RBFOX3: variants seen among roughly 807,000 people sequenced by gnomAD.
RBFOX3 encodes RNA binding fox-1 homolog 3.
In RBFOX3, 17 loss-of-function variants were observed where a neutral mutation model predicts 48.7. The ratio of observed to expected loss-of-function variants is 0.35; its 90% CI spans 0.24 to 0.52. The LOEUF is 0.52. Among genes scored for constraint, RBFOX3 ranks in the 20% least tolerant of loss-of-function variants. The probability of loss-of-function intolerance (pLI) is 0.94; values close to 1 mark genes in which losing one functional copy is unlikely to be tolerated. For synonymous variants in RBFOX3, 212 were observed against 209.5 expected, an observed-to-expected ratio of 1.01 and a Z score of -0.10; for missense variants, 382 against 497.5, an observed-to-expected ratio of 0.77 and a Z score of 2.21.
chr17:79,491,450 A>G (rs1191701556), intron 1 of RBFOX3, among the ~76,000 whole-genome samples: 2 of 151,882 alleles, frequency 1.3e-5, no homozygotes, highest in East Asian at 3.9e-4. Flanking sequence ...TAGAGGGGAA[A>G]AACCAAGGCA....
At chr17:79,331,679 C>T (rs748892782) in intron 2 of RBFOX3, among the ~76,000 whole-genome samples, 5 of 152,314 alleles carry the variant, frequency 3.3e-5, no homozygotes, top group Admixed American at 2.0e-4. Context: ...GCACCTGCCC[C>T]GGGGCTGGGC....
intron 2 of RBFOX3, among the ~76,000 whole-genome samples, chr17:79,431,535 A>G (rs1266750626): frequency 1.6e-5 from 2 of 126,124 alleles, no homozygotes; most frequent in African/African-American, 6.0e-5. Flanking sequence ...ATCAAGCTGG[A>G]GAGCAGTGGC....
At chr17:79,344,640 C>T (rs2082610701) in intron 2 of RBFOX3, among the ~76,000 whole-genome samples, 1 of 152,020 alleles carries the variant, frequency 6.6e-6, no homozygotes, top group Non-Finnish European at 1.5e-5. Flanking sequence ...CTGCAACTTC[C>T]ACCTCCCAAG....
At chr17:79,302,238 G>A (rs1376513232) in intron 3 of RBFOX3, among the ~76,000 whole-genome samples, 2 of 152,156 alleles carry the variant, frequency 1.3e-5, no homozygotes, top group African/African-American at 4.8e-5. Flanking sequence ...CCTTCCATCA[G>A]CAGCCCTTCA....
At chr17:79,357,325 T>C (rs998904452) in intron 2 of RBFOX3, among the ~76,000 whole-genome samples, 6 of 152,202 alleles carry the variant, frequency 3.9e-5, no homozygotes, top group Non-Finnish European at 5.9e-5. Context: ...TTCATTCCAA[T>C]GTTTAAAAAA....
At chr17:79,576,628 T>C (rs1422028762) in intron 1 of RBFOX3, among the ~76,000 whole-genome samples, 1 of 150,660 alleles carries the variant, frequency 6.6e-6, no homozygotes, top group Non-Finnish European at 1.5e-5. Flanking sequence ...ATGAACATGA[T>C]GGAGATGATG....
intron 4 of RBFOX3, among the ~76,000 whole-genome samples, chr17:79,202,822 T>C (rs1031726): frequency 0.85 from 129,463 of 152,310 alleles, 56,300 homozygotes; most frequent in Non-Finnish European, 0.94. Flanking sequence ...AGATGCACTA[T>C]CATGCCTGGT....
chr17:79,097,891 C>T (rs548602125), intron 9 of RBFOX3, 146 bp from the exon 10 acceptor site: 4 of 770,606 alleles, frequency 5.2e-6, no homozygotes, highest in Non-Finnish European at 8.9e-6. Context: ...CTTTCCCACA[C>T]TGCCCGGACA....
chr17:79,354,639 C>T (rs956973867), intron 2 of RBFOX3, among the ~76,000 whole-genome samples: 12 of 152,364 alleles, frequency 7.9e-5, no homozygotes, highest in Admixed American at 3.3e-4. Flanking sequence ...GAACAGACTG[C>T]GCGTTCAGCG....
chr17:79,161,344 C>T (rs2046945243), intron 4 of RBFOX3, among the ~76,000 whole-genome samples: 1 of 152,192 alleles, frequency 6.6e-6, no homozygotes. Flanking sequence ...TCCTCTGCTG[C>T]CAATGAACCC....
chr17:79,249,929 C>A lies in RBFOX3; in HGVS notation c.-73-14124G>T, dbSNP rs1474234257. On this transcript the variant is annotated intron_variant, in intron 3 of 14. Transcript: ENST00000693108. The surrounding 1 kb of genome is among the most constrained non-coding windows in gnomAD (Gnocchi z 4.1). ...CTTAGATCCCCACCAGCCTCACCAT[C>A]CTAGCTGCACCTGCCGGCATCCCTG... Among the ~76,000 whole-genome samples the A allele has an allele frequency of 1.3e-5, 2 of 152,192 alleles. No homozygotes were observed. Among genetic ancestry groups the A allele is most frequent in the Non-Finnish European group, 2.9e-5 (2 of 68,038 alleles).
At chr17:79,366,945 G>T (rs1013967991) in intron 2 of RBFOX3, among the ~76,000 whole-genome samples, 3 of 152,202 alleles carry the variant, frequency 2.0e-5, no homozygotes, top group African/African-American at 7.2e-5. Flanking sequence ...CCCTGGGGAG[G>T]GTCCACATCC....
intron 4 of RBFOX3, among the ~76,000 whole-genome samples, chr17:79,164,112 T>G (rs1838270626): frequency 6.6e-6 from 1 of 152,066 alleles, no homozygotes; most frequent in Admixed American, 6.5e-5. Flanking sequence ...ATGGGGAAGC[T>G]CAAGGTTTGG....
At chr17:79,384,056 G>T (rs77387666) in intron 2 of RBFOX3, among the ~76,000 whole-genome samples, 4 of 152,094 alleles carry the variant, frequency 2.6e-5, no homozygotes, top group African/African-American at 9.7e-5. Context: ...AGCGGGACTC[G>T]TGTGAGTTCT....
chr17:79,513,473 C>A (rs1555782281), intron 1 of RBFOX3, among the ~76,000 whole-genome samples: 2 of 152,246 alleles, frequency 1.3e-5, no homozygotes, highest in Non-Finnish European at 2.9e-5. Flanking sequence ...TGGCACATAC[C>A]TGGAAGCATT....
At chr17:79,152,730 C>T (rs1241797126) in intron 4 of RBFOX3, among the ~76,000 whole-genome samples, 1 of 152,144 alleles carries the variant, frequency 6.6e-6, no homozygotes, top group Non-Finnish European at 1.5e-5. Flanking sequence ...TGGGGGGCAC[C>T]GAAGCAGTAT....
At chr17:79,519,450 G>A (rs1174003348) in intron 1 of RBFOX3, among the ~76,000 whole-genome samples, 8 of 152,338 alleles carry the variant, frequency 5.3e-5, no homozygotes, top group South Asian at 2.1e-4. Context: ...GGGTGGGTAC[G>A]GGGAACAGAG....
intron 2 of RBFOX3, among the ~76,000 whole-genome samples, chr17:79,472,195 C>A (rs992531910): frequency 9.2e-5 from 14 of 152,196 alleles, no homozygotes; most frequent in Non-Finnish European, 1.5e-4. Flanking sequence ...GATGAGTGTG[C>A]CTGACGGGGC....
In RBFOX3 at chr17:79,423,634, A is replaced by AT. The variant is rs1259890305; in HGVS notation, c.-175+58819dup. On this transcript the variant is annotated intron_variant, in intron 2 of 14. Coordinates refer to ENST00000693108, the MANE Select transcript of RBFOX3 (RefSeq NM_001350451.2). This position sits in a 1 kb window ranked among gnomAD's most constrained non-coding sequence, Gnocchi z 4.9. ...AACGCAGCCCCCACCCCTTCGTCCC[A>AT]TTTGCTTTTTCCCAGGAATGCCTGC... 1 of 143,882 alleles carries AT rather than the reference A, an allele frequency of 7.0e-6. No individual in the cohort carries two copies. The highest frequency in any genetic ancestry group is 1.5e-5 in the Non-Finnish European group (1 of 65,196). 8.9% of individuals were successfully genotyped at this position (143,882 alleles called of 1,614,324 possible).
Sources: gnomAD v4.1 joint callset for allele counts (sites outside exome capture counted in the v4.1 genomes callset) on GRCh38, gnomAD v4.1.1 for gene constraint, Gnocchi (gnomAD v3.1) non-coding constraint, MANE v1.5 for transcripts, NCBI Gene and HGNC (gene_info 2026-07-23, HGNC 2026-07-21) for gene names.